The following MAGI1 variants were observed in gnomAD, a reference collection of about 807,000 sequenced individuals.
The protein encoded by MAGI1 is membrane associated guanylate kinase, WW and PDZ domain containing 1.
A neutral mutation model predicts 139.9 loss-of-function variants in MAGI1; 58 were observed. The observed-to-expected ratio is 0.41, with a 90% CI of 0.34 to 0.52. The LOEUF is 0.52. MAGI1 is among the 20% of genes least tolerant of loss of function. MAGI1 has a pLI of 0.12. For synonymous variants in MAGI1, 812 were observed against 737.9 expected, an observed-to-expected ratio of 1.10 and a Z score of -1.63; for missense variants, 1,874 against 1,901.6, an observed-to-expected ratio of 0.99 and a Z score of 0.27.
rs575405603 is a variant in MAGI1, at chr3:65,797,753, T to C, written c.314-175665A>G. On this transcript the variant is annotated intron_variant, in intron 1 of 22. Transcript: ENST00000402939. ...ACAGAAATCTAGTTTCTATAAATAC[T>C]AATATTTTAACCAATATTAATATTT... Among the ~76,000 whole-genome samples the C allele has an allele frequency of 1.9e-4, 29 of 152,204 alleles. No homozygotes were observed. The South Asian group carries it at 4.2e-3, about 22-fold the overall frequency.
At chr3:65,616,214 A>G (rs80198058) in intron 2 of MAGI1, among the ~76,000 whole-genome samples, 3 of 33,588 alleles carry the variant, frequency 8.9e-5, no homozygotes, top group Admixed American at 6.8e-4. Context: ...TTCAATGGAG[A>G]AGGACAGGTG....
At chr3:65,665,260 T>A (rs2086440124) in intron 1 of MAGI1, among the ~76,000 whole-genome samples, 1 of 152,186 alleles carries the variant, frequency 6.6e-6, no homozygotes, top group Non-Finnish European at 1.5e-5. Flanking sequence ...TCGGTGTTAA[T>A]GAATCCACAA....
At chr3:65,878,562 A>C (rs1334257872) in intron 1 of MAGI1, among the ~76,000 whole-genome samples, 1 of 152,078 alleles carries the variant, frequency 6.6e-6, no homozygotes, top group Non-Finnish European at 1.5e-5. Context: ...TTATTTGCCA[A>C]AATAAAGAAA....
rs560181241 is a variant in MAGI1 at position 65,804,459 on chromosome 3, A to G, written c.314-182371T>C. On this transcript the variant is annotated intron_variant, in intron 1 of 22. Transcript: ENST00000402939. ...ATAAATTACATTGATATTTATATCA[A>G]TATGTTATACTGATATAAATTATAT... is the stretch of plus-strand genomic sequence containing the variant. 7.2e-5 allele frequency among the ~76,000 whole-genome samples: 11 copies of G among 151,856 alleles called. No individual in the cohort carries two copies. The East Asian group carries it at 1.7e-3, about 24-fold the overall frequency.
At chr3:65,716,028 T>C (rs752714667) in intron 1 of MAGI1, among the ~76,000 whole-genome samples, 6 of 152,218 alleles carry the variant, frequency 3.9e-5, no homozygotes, top group African/African-American at 9.6e-5. Context: ...CAGTTCTGTA[T>C]TCTAAGGCCT....
intron 2 of MAGI1, among the ~76,000 whole-genome samples, chr3:65,558,458 T>C (rs981739276): frequency 1.3e-5 from 2 of 152,074 alleles, no homozygotes; most frequent in African/African-American, 4.8e-5. Context: ...GAGACCAGCC[T>C]GGGCAACATA....
chr3:65,364,232 T>C (rs921260474), intron 20 of MAGI1, among the ~76,000 whole-genome samples: 5 of 150,428 alleles, frequency 3.3e-5, no homozygotes, highest in Admixed American at 6.6e-5. Flanking sequence ...GTTCCTCAAA[T>C]TTGTTTCACC....
intron 1 of MAGI1, among the ~76,000 whole-genome samples, chr3:65,763,492 T>C (rs555086400): frequency 3.9e-5 from 6 of 152,286 alleles, no homozygotes; most frequent in Non-Finnish European, 8.8e-5. Context: ...TAACAACATT[T>C]ACATAGCACA....
At chr3:65,636,271 T>C (rs1000349176) in intron 1 of MAGI1, among the ~76,000 whole-genome samples, 2 of 152,128 alleles carry the variant, frequency 1.3e-5, no homozygotes, top group Admixed American at 6.5e-5. Flanking sequence ...TGACCACAGC[T>C]CTCATTTTTC....
At chr3:65,902,026 C>A (rs1030094025) in intron 1 of MAGI1, among the ~76,000 whole-genome samples, 1 of 152,048 alleles carries the variant, frequency 6.6e-6, no homozygotes, top group African/African-American at 2.4e-5. Flanking sequence ...ATTTATTAAA[C>A]GCTAAGGAAT....
At chr3:65,457,863 C>T (rs144856169) in intron 5 of MAGI1, among the ~76,000 whole-genome samples, 4,066 of 152,068 alleles carry the variant, frequency 0.027, 183 homozygotes, top group African/African-American at 0.093. Flanking sequence ...CTACAGTCAC[C>T]CTGCTGTGCT....
chr3:65,406,819 C>G (rs995986830), intron 12 of MAGI1, among the ~76,000 whole-genome samples: 2 of 147,958 alleles, frequency 1.4e-5, no homozygotes, highest in African/African-American at 2.5e-5. Flanking sequence ...ATATATATAT[C>G]GAGGGGGAGA....
At chr3:65,672,322 A>G (rs1392832681) in intron 1 of MAGI1, among the ~76,000 whole-genome samples, 1 of 152,218 alleles carries the variant, frequency 6.6e-6, no homozygotes, top group Non-Finnish European at 1.5e-5. Flanking sequence ...CCATGGCAAG[A>G]AAGTACTTTA....
chr3:65,769,120 C>T (rs1209018582), intron 1 of MAGI1, among the ~76,000 whole-genome samples: 1 of 152,120 alleles, frequency 6.6e-6, no homozygotes, highest in East Asian at 1.9e-4. Context: ...GGCTTTCTTA[C>T]TGAAGAAAAT....
chr3:65,710,126 T>C (rs1576832084), intron 1 of MAGI1, among the ~76,000 whole-genome samples: 1 of 152,316 alleles, frequency 6.6e-6, no homozygotes, highest in African/African-American at 2.4e-5. Flanking sequence ...ACAAGCCTTT[T>C]TTTAAAGGAA....
intron 1 of MAGI1, among the ~76,000 whole-genome samples, chr3:65,899,890 T>A (rs1461253841): frequency 6.6e-6 from 1 of 152,144 alleles, no homozygotes; most frequent in African/African-American, 2.4e-5. Flanking sequence ...CTTGGTCAAG[T>A]CCAAAGTGAG....
At chr3:65,803,139 G>A (rs1054253913) in intron 1 of MAGI1, among the ~76,000 whole-genome samples, 2 of 149,278 alleles carry the variant, frequency 1.3e-5, no homozygotes, top group African/African-American at 5.2e-5. Context: ...TAAGATAACA[G>A]CTAAATGAGC....
intron 2 of MAGI1, among the ~76,000 whole-genome samples, chr3:65,510,009 C>A (rs1260216952): frequency 1.3e-5 from 2 of 152,148 alleles, no homozygotes; most frequent in Admixed American, 1.3e-4. Flanking sequence ...GACCCCCGAG[C>A]ACCCTAACTG....
chr3:65,660,979 A>G (rs1443192717), intron 1 of MAGI1, among the ~76,000 whole-genome samples: 2 of 152,172 alleles, frequency 1.3e-5, no homozygotes, highest in African/African-American at 2.4e-5. Context: ...CAAACAAAAC[A>G]CTAAACTACA....
Sources: gnomAD v4.1 joint callset for allele counts (sites outside exome capture counted in the v4.1 genomes callset) on GRCh38, gnomAD v4.1.1 for gene constraint, MANE v1.5 for transcripts, NCBI Gene and HGNC (gene_info 2026-07-23, HGNC 2026-07-21) for gene names.